STX8: variants seen among roughly 807,000 people sequenced by gnomAD.
STX8 encodes syntaxin-8.
A neutral mutation model predicts 37.5 loss-of-function variants in STX8; 23 were observed. The ratio of observed to expected loss-of-function variants is 0.61; its 90% CI spans 0.44 to 0.87. The LOEUF is 0.87. Ranked by LOEUF, STX8 falls within the 40% of genes least tolerant of loss-of-function variation. STX8 has a pLI of 0.00. For missense variants in STX8, 313 were observed against 284.7 expected (o/e 1.10, Z -0.71); for synonymous variants, 115 against 99.1 (o/e 1.16, Z -0.95).
intron 7 of STX8, among the ~76,000 whole-genome samples, chr17:9,322,814 T>TAAAAA (rs59941529): frequency 2.2e-4 from 14 of 64,704 alleles, no homozygotes; most frequent in African/African-American, 8.2e-4. Context: ...GTGCATTTGC[T>TAAAAA]AAAAAAAAAA....
chr17:9,409,231 C>T (rs182884676), intron 6 of STX8, among the ~76,000 whole-genome samples: 4 of 152,254 alleles, frequency 2.6e-5, no homozygotes, highest in East Asian at 1.9e-4. Context: ...GGAGTCTTTC[C>T]GGTTTCTGCC....
At chr17:9,451,634 C>A (rs1295800625) in intron 6 of STX8, among the ~76,000 whole-genome samples, 1 of 152,076 alleles carries the variant, frequency 6.6e-6, no homozygotes, top group African/African-American at 2.4e-5. Flanking sequence ...ATAAACCCAT[C>A]TCTAAGTTCT....
chr17:9,555,767 GC>G (rs1428922652), intron 3 of STX8: 1 of 152,158 alleles, frequency 6.6e-6, no homozygotes, highest in African/African-American at 2.4e-5. Context: ...GAGGTGGCAG[GC>G]ACCTGTAGTC....
rs1597597059 is a variant in STX8 at position 9,309,706 on chromosome 17, T to C, written c.644-59061A>G. Among the ~76,000 whole-genome samples the C allele has an allele frequency of 2.6e-5, 4 of 152,148 alleles. No homozygotes were observed. The South Asian group carries it at 8.3e-4, about 32-fold the overall frequency. ...CTGTAGTTTTGATGAGTGAGAGTCA[T>C]CATATACGAAGCAAATTAAAGGAAA... On this transcript the variant is annotated intron_variant, in intron 7 of 7. Coordinates refer to ENST00000306357, the MANE Select transcript of STX8 (RefSeq NM_004853.3).
intron 6 of STX8, among the ~76,000 whole-genome samples, chr17:9,412,829 T>G (rs1317841630): frequency 1.3e-5 from 2 of 152,102 alleles, no homozygotes; most frequent in East Asian, 3.9e-4. Context: ...AGAGTTCTGA[T>G]AGAAGATGAT....
In STX8 at chr17:9,472,869, T is replaced by C. The variant is rs189092398; in HGVS notation, c.541+18960A>G. Reference sequence around the variant, plus strand: ...TAGTTAGATGGCTTCTCAGCCTGGCTGCGTGGCCAGGGTCAAGACCAGTAT... The same window carrying C: ...TAGTTAGATGGCTTCTCAGCCTGGCCGCGTGGCCAGGGTCAAGACCAGTAT... On this transcript the variant is annotated intron_variant, in intron 6 of 7. Coordinates refer to ENST00000306357, the MANE Select transcript of STX8 (RefSeq NM_004853.3). Among the ~76,000 whole-genome samples the C allele has an allele frequency of 2.0e-4, 31 of 152,288 alleles. No individual in the cohort carries two copies. In the East Asian group the frequency reaches 5.8e-3, roughly 28 times the overall value.
intron 7 of STX8, among the ~76,000 whole-genome samples, chr17:9,354,391 G>A (rs12950958): frequency 0.094 from 13,304 of 141,102 alleles, 742 homozygotes; most frequent in Middle Eastern, 0.2. Flanking sequence ...GTGAGATCTC[G>A]GCTCACTGCA....
At chr17:9,440,328 G>A (rs996439252) in intron 6 of STX8, among the ~76,000 whole-genome samples, 1 of 151,990 alleles carries the variant, frequency 6.6e-6, no homozygotes, top group Non-Finnish European at 1.5e-5. Context: ...CTTCCACTTG[G>A]ATTTCCCTTC....
intron 7 of STX8, among the ~76,000 whole-genome samples, chr17:9,306,072 T>C (rs1908974447): frequency 6.6e-6 from 1 of 152,084 alleles, no homozygotes; most frequent in Non-Finnish European, 1.5e-5. Flanking sequence ...ATCCTTTATG[T>C]TGTACTTTTA....
intron 4 of STX8, among the ~76,000 whole-genome samples, chr17:9,539,889 T>G (rs894198748): frequency 1.3e-5 from 2 of 151,764 alleles, no homozygotes; most frequent in Non-Finnish European, 2.9e-5. Flanking sequence ...TCCCTAAGAG[T>G]TGGTATTAGA....
At chr17:9,502,036 A>G (rs1408221993) in intron 5 of STX8, among the ~76,000 whole-genome samples, 2 of 152,214 alleles carry the variant, frequency 1.3e-5, no homozygotes, top group Non-Finnish European at 2.9e-5. Flanking sequence ...GCTATGATCA[A>G]AAAGAAAAAA....
intron 7 of STX8, among the ~76,000 whole-genome samples, chr17:9,353,845 C>T (rs1169023655): frequency 1.3e-5 from 2 of 152,038 alleles, no homozygotes; most frequent in African/African-American, 4.8e-5. Context: ...ATAACAGAAC[C>T]TACAAATGTA....
intron 7 of STX8, among the ~76,000 whole-genome samples, chr17:9,318,616 C>T (rs903672303): frequency 6.6e-6 from 1 of 151,990 alleles, no homozygotes; most frequent in Admixed American, 6.6e-5. Flanking sequence ...AGGTCACAAA[C>T]AAATTGGACT....
chr17:9,295,797 C>A (rs1908502229), intron 7 of STX8, among the ~76,000 whole-genome samples: 1 of 123,536 alleles, frequency 8.1e-6, no homozygotes, highest in Non-Finnish European at 2.0e-5. Flanking sequence ...GTAATCCCAG[C>A]ACTTTGGGAG....
intron 7 of STX8, among the ~76,000 whole-genome samples, chr17:9,317,112 T>C (rs1339096660): frequency 6.6e-6 from 1 of 151,936 alleles, no homozygotes; most frequent in African/African-American, 2.4e-5. Context: ...AAAGATATGA[T>C]CTAACACAAG....
At chr17:9,268,923 C>CA (rs1907334268) in intron 7 of STX8, among the ~76,000 whole-genome samples, 1 of 152,194 alleles carries the variant, frequency 6.6e-6, no homozygotes, top group African/African-American at 2.4e-5. Flanking sequence ...TGCAGTGGCT[C>CA]ACGCCTGTAA....
At chr17:9,537,089 C>T (rs1906090599) in intron 4 of STX8, among the ~76,000 whole-genome samples, 1 of 152,212 alleles carries the variant, frequency 6.6e-6, no homozygotes, top group Non-Finnish European at 1.5e-5. Flanking sequence ...CCCCCATGGG[C>T]ACCTCTTAGC....
At chr17:9,476,200 C>T (rs1263176799) in intron 6 of STX8, among the ~76,000 whole-genome samples, 1 of 152,110 alleles carries the variant, frequency 6.6e-6, no homozygotes, top group Non-Finnish European at 1.5e-5. Context: ...CAAAACGAAA[C>T]CTACCCAAAT....
chr17:9,565,031 GAGCCC>G (rs1907399601), intron 2 of STX8, among the ~76,000 whole-genome samples: 1 of 151,148 alleles, frequency 6.6e-6, no homozygotes, highest in African/African-American at 2.4e-5. Flanking sequence ...AACATGACAA[GAGCCC>G]ATCTCTACTA....
Sources: allele counts gnomAD v4.1 joint callset (sites outside exome capture counted in the v4.1 genomes callset), GRCh38; gene constraint gnomAD v4.1.1; transcripts MANE v1.5; gene names NCBI Gene and HGNC (gene_info 2026-07-23, HGNC 2026-07-21).